FBXO4: variants seen among roughly 807,000 people sequenced by gnomAD.
The protein encoded by FBXO4 is F-box protein 4, also known as F-box only protein 4.
FBXO4 carries 36 observed loss-of-function variants against 43.7 expected under a neutral mutation model. The observed-to-expected ratio is 0.82, with a 90% CI of 0.63 to 1.09. FBXO4 has a LOEUF of 1.09. FBXO4 is among the 50% of genes least tolerant of loss of function. The pLI is 0.00. For synonymous variants in FBXO4, 180 were observed against 165.6 expected (o/e 1.09, Z -0.67); for missense variants, 435 against 474.1 (o/e 0.92, Z 0.77).
At chr5:41,999,506 T>TAC in the FBXO4 span, among the ~76,000 whole-genome samples, 1 of 63,644 alleles carries the variant, frequency 1.6e-5, no homozygotes, top group African/African-American at 9.6e-5. Flanking sequence ...TATATATATG[T>TAC]GTATATATAT....
the FBXO4 span, among the ~76,000 whole-genome samples, chr5:41,999,057 T>C: frequency 7.2e-6 from 1 of 138,734 alleles, no homozygotes; most frequent in South Asian, 2.3e-4. Context: ...ACATGGTCCA[T>C]ATATGGACCA....
At chr5:42,033,709 C>G in the FBXO4 span, among the ~76,000 whole-genome samples, 1 of 152,146 alleles carries the variant, frequency 6.6e-6, no homozygotes, top group Non-Finnish European at 1.5e-5. Flanking sequence ...AGGATATTAT[C>G]TCATTCTTTT....
chr5:41,982,377 G>GTGT, the FBXO4 span, among the ~76,000 whole-genome samples: 1 of 152,146 alleles, frequency 6.6e-6, no homozygotes, highest in African/African-American at 2.4e-5. Flanking sequence ...CAGTGTAAAA[G>GTGT]TGTTCCTATT....
intron 3 of FBXO4, among the ~76,000 whole-genome samples, chr5:41,930,646 A>ATTT (rs1025761351): frequency 6.7e-6 from 1 of 148,884 alleles, no homozygotes; most frequent in African/African-American, 2.6e-5. Flanking sequence ...CGAGAACTAC[A>ATTT]TTTTTTTCTT....
chr5:41,953,637 T>C, the FBXO4 span, among the ~76,000 whole-genome samples: 2 of 151,512 alleles, frequency 1.3e-5, no homozygotes, highest in Admixed American at 6.6e-5. Flanking sequence ...TTCCTATTTC[T>C]CCACATCCTC....
chr5:42,030,702 T>G, the FBXO4 span, among the ~76,000 whole-genome samples: 1 of 151,598 alleles, frequency 6.6e-6, no homozygotes, highest in Non-Finnish European at 1.5e-5. Context: ...TTTCGCAACC[T>G]ACTCATCTGA....
the FBXO4 span, among the ~76,000 whole-genome samples, chr5:41,995,197 C>CA: frequency 1.4e-4 from 22 of 152,290 alleles, no homozygotes; most frequent in African/African-American, 5.3e-4. Context: ...TAGTCAGAGG[C>CA]AATGCTGTGT....
the FBXO4 span, among the ~76,000 whole-genome samples, chr5:41,999,258 T>C: frequency 6.6e-6 from 1 of 150,892 alleles, no homozygotes; most frequent in African/African-American, 2.4e-5. Flanking sequence ...CTAATCATAT[T>C]AAGCAGCCAA....
chr5:42,005,271 C>G, the FBXO4 span, among the ~76,000 whole-genome samples: 36 of 152,272 alleles, frequency 2.4e-4, 1 homozygote, highest in Middle Eastern at 3.4e-3. Context: ...CTCCCTTGTT[C>G]AAAGTTCAAA....
chr5:41,933,858 C>G (rs752619607), intron 3 of FBXO4, 88 bp from the exon 4 acceptor site: 2 of 1,055,420 alleles, frequency 1.9e-6, no homozygotes, highest in South Asian at 3.0e-5. Flanking sequence ...TTTCTTTACT[C>G]TTTTTGCTTT....
At chr5:42,019,460 G>A in the FBXO4 span, among the ~76,000 whole-genome samples, 2 of 151,996 alleles carry the variant, frequency 1.3e-5, no homozygotes, top group African/African-American at 4.8e-5. Flanking sequence ...AGTCCGAGGC[G>A]GGTGGATCAC....
At chr5:41,976,922 G>C in the FBXO4 span, among the ~76,000 whole-genome samples, 1 of 152,206 alleles carries the variant, frequency 6.6e-6, no homozygotes, top group Non-Finnish European at 1.5e-5. Flanking sequence ...GGAGAAAGCT[G>C]TCAAGCCTCC....
chr5:42,008,289 G>T, the FBXO4 span, among the ~76,000 whole-genome samples: 1 of 152,182 alleles, frequency 6.6e-6, no homozygotes, highest in Non-Finnish European at 1.5e-5. Context: ...TACCAAGGCT[G>T]CATGACTCTG....
At chr5:41,994,584 T>C in the FBXO4 span, among the ~76,000 whole-genome samples, 1 of 152,164 alleles carries the variant, frequency 6.6e-6, no homozygotes, top group Admixed American at 6.5e-5. Flanking sequence ...ACCTTAATCA[T>C]AGGGCATGGT....
At chr5:41,978,000 A>G in the FBXO4 span, among the ~76,000 whole-genome samples, 1 of 152,160 alleles carries the variant, frequency 6.6e-6, no homozygotes, top group Admixed American at 6.5e-5. Flanking sequence ...TAAAGAAAAC[A>G]GGCTTAATTA....
chr5:41,978,461 A>G, the FBXO4 span, among the ~76,000 whole-genome samples: 1 of 152,186 alleles, frequency 6.6e-6, no homozygotes, highest in African/African-American at 2.4e-5. Context: ...GAAAACAGAA[A>G]AGAATTTATA....
chr5:42,029,077 C>T, the FBXO4 span, among the ~76,000 whole-genome samples: 1 of 151,904 alleles, frequency 6.6e-6, no homozygotes, highest in Non-Finnish European at 1.5e-5. Flanking sequence ...CATTACATTC[C>T]TTTTCTTTCT....
chr5:41,967,030 T>G, the FBXO4 span: 12 of 267,524 alleles, frequency 4.5e-5, no homozygotes, highest in East Asian at 9.3e-4. Context: ...AAAGCATCAT[T>G]TTAAACCATT....
chr5:42,038,022 C>T, the FBXO4 span, among the ~76,000 whole-genome samples: 1 of 152,044 alleles, frequency 6.6e-6, no homozygotes, highest in South Asian at 2.1e-4. Flanking sequence ...CATGGGCAAC[C>T]CTTTCAGAAT....
Sources: gnomAD v4.1 joint callset for allele counts (sites outside exome capture counted in the v4.1 genomes callset) on GRCh38, gnomAD v4.1.1 for gene constraint, MANE v1.5 for transcripts, NCBI Gene and HGNC (gene_info 2026-07-23, HGNC 2026-07-21) for gene names.